The following SH3D19 variants were observed in gnomAD, a reference collection of about 807,000 sequenced individuals.
SH3D19 encodes SH3 domain containing 19.
In SH3D19, 58 loss-of-function variants were observed where a neutral mutation model predicts 112.1. The observed-to-expected ratio is 0.52, with a 90% confidence interval of 0.42 to 0.64. SH3D19 has a LOEUF of 0.64. Among genes scored for constraint, SH3D19 ranks in the 30% least tolerant of loss-of-function variants. The pLI is 0.00. For synonymous variants in SH3D19, 391 were observed against 448.5 expected (o/e 0.87, Z 1.62); for missense variants, 1,090 against 1,263.4 (o/e 0.86, Z 2.08).
intron 1 of SH3D19, among the ~76,000 whole-genome samples, chr4:151,302,372 A>G (rs1217474636): frequency 6.6e-6 from 1 of 152,204 alleles, no homozygotes; most frequent in Non-Finnish European, 1.5e-5. Context: ...TCTAACAAAT[A>G]AGAATGTATG....
intron 1 of SH3D19, among the ~76,000 whole-genome samples, chr4:151,267,223 T>G (rs1772867402): frequency 1.3e-5 from 2 of 151,498 alleles, no homozygotes; most frequent in African/African-American, 4.8e-5. Context: ...TAGTCCCAGC[T>G]ACTCATGAGG....
intron 9 of SH3D19, among the ~76,000 whole-genome samples, chr4:151,150,538 G>A (rs896026641): frequency 1.3e-5 from 2 of 151,836 alleles, no homozygotes; most frequent in Non-Finnish European, 2.9e-5. Context: ...GAACGTAAAA[G>A]AAACTTGCAG....
At chr4:151,163,798 G>C (rs200174293) in intron 8 of SH3D19, among the ~76,000 whole-genome samples, 21 of 152,060 alleles carry the variant, frequency 1.4e-4, no homozygotes, top group African/African-American at 5.1e-4. Context: ...GGCCAGGCTG[G>C]TCTCGAACTC....
At chr4:151,280,302 T>C (rs1774092433) in intron 1 of SH3D19, among the ~76,000 whole-genome samples, 1 of 152,154 alleles carries the variant, frequency 6.6e-6, no homozygotes, top group Non-Finnish European at 1.5e-5. Flanking sequence ...TGAGTGTCCC[T>C]ATGGAGAGGC....
At chr4:151,206,581 G>A (rs1022700943) in intron 2 of SH3D19, among the ~76,000 whole-genome samples, 5 of 152,090 alleles carry the variant, frequency 3.3e-5, no homozygotes, top group African/African-American at 1.2e-4. Context: ...AGTTTTGGTA[G>A]TCCTAAAACC....
Position 151,257,174 on chromosome 4 carries a change from A to C in SH3D19, c.113-31088T>G, listed in dbSNP as rs527341356. On this transcript the variant is annotated intron_variant, in intron 1 of 19. Coordinates refer to ENST00000604030, the MANE Select transcript of SH3D19 (RefSeq NM_001378122.1). The stretch of plus-strand genomic sequence containing the variant: ...ATGATCTTGGCTCACTGCAACCTCT[A>C]CCTCCCGGGTTCAAGCAGTTCTCCT... Among the ~76,000 whole-genome samples the C allele has an allele frequency of 9.8e-4, 147 of 150,112 alleles. 1 individual carries two copies. The highest frequency in any genetic ancestry group is 3.5e-3 in the African/African-American group (144 of 40,720).
rs867070416 is a variant in SH3D19 at position 151,132,522 on chromosome 4, A to G, written c.2690-139T>C. On this transcript the variant is annotated intron_variant, in intron 16 of 19. Transcript: ENST00000604030. ...ACTCCGGTCTCTTCATGTATTGTCT[A>G]TGTTGCGTTAACCTGTACTAACTTC... The G allele has an allele frequency of 1.3e-5, 9 of 691,536 alleles. No individual in the cohort carries two copies. In the Middle Eastern group the frequency reaches 1.2e-3, roughly 93 times the overall value. 42.8% of individuals were successfully genotyped at this position (691,536 alleles called of 1,614,324 possible). A position where few individuals can be genotyped will look rare whatever the true frequency, so the allele number is the denominator to read the frequency against.
At chr4:151,295,450 C>T (rs1775636945) in intron 1 of SH3D19, among the ~76,000 whole-genome samples, 1 of 152,212 alleles carries the variant, frequency 6.6e-6, no homozygotes, top group Non-Finnish European at 1.5e-5. Context: ...TTTATCTGCA[C>T]TGTCCTTAGA....
intron 1 of SH3D19, among the ~76,000 whole-genome samples, chr4:151,251,198 C>T (rs5014237): frequency 0.33 from 47,123 of 142,352 alleles, 8,895 homozygotes; most frequent in Non-Finnish European, 0.45. Flanking sequence ...TCTTTTTTTC[C>T]TTTTTTTTTT....
At chr4:151,280,005 A>C (rs1399147249) in intron 1 of SH3D19, 1 of 1,272,674 alleles carries the variant, frequency 7.9e-7, no homozygotes, top group Admixed American at 2.5e-5. Context: ...CTCAGTGAAT[A>C]TTTGCATCAC....
In SH3D19 at chr4:151,204,685, C is replaced by T. The variant is rs185123595; in HGVS notation, c.153-17222G>A. ...AATCATGATCTTTCCAACATCAGGCCTACATAAACTAAAGTTGTTGTTTTG... is the reference window on the plus strand; with the variant it reads ...AATCATGATCTTTCCAACATCAGGCTTACATAAACTAAAGTTGTTGTTTTG... On this transcript the variant is annotated intron_variant, in intron 2 of 19. Transcript: ENST00000604030. 7.2e-5 allele frequency among the ~76,000 whole-genome samples: 11 copies of T among 152,258 alleles called. No individual in the cohort carries two copies. In the East Asian group the frequency reaches 1.7e-3, roughly 24 times the overall value.
In SH3D19 at chr4:151,139,782, G is replaced by A; in HGVS notation, c.2289C>T (p.Phe763=). ...CATTATTTACATCCTTACCTGCTGG[G>A]AAATCATGAAGAACGACAGCATGAG... ...GAPHAVVLHD[F]PAEQVDDLNL... Residue 763 remains phenylalanine (F), a synonymous_variant, in exon 13 of 20, where the codon TTC becomes TTT. Transcript: ENST00000604030. 1.2e-6 allele frequency: 2 copies of A among 1,614,058 alleles called. No individual in the cohort carries two copies. The highest frequency in any genetic ancestry group is 2.2e-5 in the South Asian group (2 of 91,078).
chr4:151,240,756 G>T (rs1770487213), intron 1 of SH3D19, among the ~76,000 whole-genome samples: 1 of 151,836 alleles, frequency 6.6e-6, no homozygotes, highest in South Asian at 2.1e-4. Flanking sequence ...GTTAAACATG[G>T]AATTATTATA....
chr4:151,183,138 C>T (rs1033219729), intron 3 of SH3D19, among the ~76,000 whole-genome samples: 49 of 151,732 alleles, frequency 3.2e-4, no homozygotes, highest in African/African-American at 1.1e-3. Context: ...ATTACAGGTG[C>T]CCACCACTGC....
intron 1 of SH3D19, among the ~76,000 whole-genome samples, chr4:151,244,199 A>AAACAACAACAACAAC (rs55872637): frequency 2.6e-5 from 4 of 150,978 alleles, no homozygotes; most frequent in South Asian, 2.1e-4. Flanking sequence ...CCCACATCTC[A>AAACAACAACAACAAC]AACAACAACA....
chr4:151,132,435 G>T, intron 16 of SH3D19, 52 bp from the exon 17 acceptor site: 1 of 1,513,918 alleles, frequency 6.6e-7, no homozygotes, highest in Non-Finnish European at 9.1e-7. Flanking sequence ...AGATGTGAAG[G>T]CCACATAGTA....
intron 9 of SH3D19, among the ~76,000 whole-genome samples, chr4:151,150,206 A>AAAAAATATAT (rs1273707426): frequency 4.3e-5 from 2 of 46,160 alleles, no homozygotes; most frequent in African/African-American, 7.2e-5. Flanking sequence ...AAAAAAAAAA[A>AAAAAATATAT]ATATATATAT....
At chr4:151,132,441 T>C (rs1750929194) in intron 16 of SH3D19, 58 bp from the exon 17 acceptor site, 1 of 1,493,976 alleles carries the variant, frequency 6.7e-7, no homozygotes. Flanking sequence ...GAAGGCCACA[T>C]AGTATTAAAA....
chr4:151,268,137 T>C (rs1328070908), intron 1 of SH3D19, among the ~76,000 whole-genome samples: 1 of 152,224 alleles, frequency 6.6e-6, no homozygotes, highest in Non-Finnish European at 1.5e-5. Flanking sequence ...TTACATGCTA[T>C]AGTCTATTGC....
Sources: gnomAD v4.1 joint callset for allele counts (sites outside exome capture counted in the v4.1 genomes callset) on GRCh38, gnomAD v4.1.1 for gene constraint, MANE v1.5 for transcripts, NCBI Gene and HGNC (gene_info 2026-07-23, HGNC 2026-07-21) for gene names.